The following EFCAB6 variants were observed in gnomAD, a reference collection of about 807,000 sequenced individuals.
EFCAB6 encodes the protein EF-hand calcium binding domain 6, also known as EF-hand calcium-binding domain-containing protein 6.
In EFCAB6, 156 loss-of-function variants were observed where a neutral mutation model predicts 169.8. The observed-to-expected ratio is 0.92, with a 90% CI of 0.81 to 1.05. EFCAB6 has a LOEUF of 1.05. Among genes scored for constraint, EFCAB6 ranks in the 50% least tolerant of loss-of-function variants. The pLI, the probability that EFCAB6 is intolerant of heterozygous loss-of-function variation, is 0.00. For synonymous variants in EFCAB6, 698 were observed against 676.4 expected (o/e 1.03, Z -0.50); for missense variants, 1,800 against 1,829.1 (o/e 0.98, Z 0.29).
intron 20 of EFCAB6, among the ~76,000 whole-genome samples, chr22:43,624,101 T>C (rs2054321025): frequency 6.6e-6 from 1 of 152,118 alleles, no homozygotes; most frequent in South Asian, 2.1e-4. Flanking sequence ...AACTGTTCTC[T>C]GAGCCCGCAC....
intron 2 of EFCAB6, among the ~76,000 whole-genome samples, chr22:43,805,060 T>G (rs1319313221): frequency 6.6e-6 from 1 of 152,208 alleles, no homozygotes; most frequent in Non-Finnish European, 1.5e-5. Context: ...TGGTGGCATT[T>G]ATACATACCA....
chr22:43,658,418 G>T (rs180906588), intron 17 of EFCAB6, among the ~76,000 whole-genome samples: 1 of 152,072 alleles, frequency 6.6e-6, no homozygotes, highest in Admixed American at 6.5e-5. Flanking sequence ...GGCCACTCCC[G>T]CACTGTGAGT....
At chr22:43,623,876 T>C (rs2147806986) in intron 20 of EFCAB6, among the ~76,000 whole-genome samples, 1 of 139,580 alleles carries the variant, frequency 7.2e-6, no homozygotes, top group East Asian at 2.1e-4. Flanking sequence ...GCCACTGTAC[T>C]CCAGTCTGGG....
chr22:43,675,191 A>G (rs1259047434), intron 13 of EFCAB6, among the ~76,000 whole-genome samples: 2 of 146,272 alleles, frequency 1.4e-5, no homozygotes, highest in Non-Finnish European at 3.0e-5. Context: ...TAATATAGCT[A>G]ATTTGTAATA....
chr22:43,558,239 A>T (rs2048822346), intron 26 of EFCAB6, among the ~76,000 whole-genome samples: 1 of 152,230 alleles, frequency 6.6e-6, no homozygotes, highest in South Asian at 2.1e-4. Flanking sequence ...CATTTAGGAA[A>T]GTGGCTGGAT....
intron 17 of EFCAB6, among the ~76,000 whole-genome samples, chr22:43,658,938 G>C (rs1329734661): frequency 6.6e-6 from 1 of 152,162 alleles, no homozygotes; most frequent in Non-Finnish European, 1.5e-5. Context: ...GGCTGCCACC[G>C]GTTTCTCTAG....
intron 26 of EFCAB6, among the ~76,000 whole-genome samples, chr22:43,561,761 G>T (rs2049052744): frequency 6.6e-6 from 1 of 152,168 alleles, no homozygotes; most frequent in African/African-American, 2.4e-5. Flanking sequence ...CTTCTCACGT[G>T]ATCATTATAT....
chr22:43,767,393 C>T (rs1401738294), intron 4 of EFCAB6, among the ~76,000 whole-genome samples: 2 of 152,168 alleles, frequency 1.3e-5, no homozygotes, highest in Non-Finnish European at 2.9e-5. Context: ...TTTGAGCAAG[C>T]ATTTCAGTTT....
At chr22:43,673,046 G>C (rs1051256356) in intron 13 of EFCAB6, among the ~76,000 whole-genome samples, 5 of 152,164 alleles carry the variant, frequency 3.3e-5, no homozygotes, top group African/African-American at 1.2e-4. Flanking sequence ...TACCTGCACA[G>C]GTGGGGGTTT....
intron 27 of EFCAB6, among the ~76,000 whole-genome samples, chr22:43,546,985 T>C (rs2048095197): frequency 6.6e-6 from 1 of 151,834 alleles, no homozygotes; most frequent in Non-Finnish European, 1.5e-5. Flanking sequence ...GAACTTAAGA[T>C]CATAACTAAA....
At position 43,559,516 on chromosome 22, in the gene EFCAB6, A is replaced by G. The variant is rs536126247; in HGVS notation, c.3421-4420T>C. ...ACCCAGCAATCCCATTACTGGGTAT[A>G]TACCCAAAGGATTATAAATGATTCT... is the stretch of plus-strand genomic sequence containing the variant. On this transcript the variant is annotated intron_variant, in intron 26 of 31. Transcript: ENST00000262726. Among the ~76,000 whole-genome samples the G allele has an allele frequency of 1.9e-3, 294 of 152,370 alleles. 2 individuals are homozygous for G. Among genetic ancestry groups the G allele is most frequent in the African/African-American group, 6.8e-3 (284 of 41,586 alleles).
chr22:43,772,771 A>G (rs1050067504), intron 4 of EFCAB6, 121 bp downstream of exon 4: 10 of 1,056,038 alleles, frequency 9.5e-6, no homozygotes, highest in South Asian at 8.3e-5. Flanking sequence ...ATTATGAAAA[A>G]CAAAACTTCA....
intron 7 of EFCAB6, among the ~76,000 whole-genome samples, chr22:43,732,438 T>C (rs181654294): frequency 9.9e-5 from 15 of 151,750 alleles, no homozygotes; most frequent in Non-Finnish European, 1.9e-4. Flanking sequence ...AGCGAACCAC[T>C]GTCTATTCCT....
chr22:43,786,244 T>C lies in EFCAB6; in HGVS notation c.-7-3919A>G, dbSNP rs747913341. The stretch of plus-strand genomic sequence containing the variant: ...CAGGCATGGTGGCGCATGCTTGTTA[T>C]CCCAGCTACCCGGGAGGCTGAGGCA... On this transcript the variant is annotated intron_variant, in intron 2 of 31. Coordinates refer to ENST00000262726, the MANE Select transcript of EFCAB6 (RefSeq NM_022785.4). 1.9e-4 allele frequency among the ~76,000 whole-genome samples: 29 copies of C among 152,266 alleles called. No homozygotes were observed. In the Middle Eastern group the frequency reaches 0.01, roughly 54 times the overall value.
At chr22:43,531,953 G>C (rs1434917027) in intron 30 of EFCAB6, 1 of 152,202 alleles carries the variant, frequency 6.6e-6, no homozygotes, top group Non-Finnish European at 1.5e-5. Flanking sequence ...CAAATCACCA[G>C]AAAATGAAGT....
At chr22:43,586,652 C>T (rs1288309895) in intron 24 of EFCAB6, among the ~76,000 whole-genome samples, 1 of 152,058 alleles carries the variant, frequency 6.6e-6, no homozygotes, top group Non-Finnish European at 1.5e-5. Context: ...CTTGAACACA[C>T]ATATCTAGTT....
At chr22:43,717,476 G>A (rs991723767) in intron 8 of EFCAB6, among the ~76,000 whole-genome samples, 2 of 151,396 alleles carry the variant, frequency 1.3e-5, no homozygotes, top group African/African-American at 4.9e-5. Flanking sequence ...TAATATATGA[G>A]TAGCTCTTAT....
chr22:43,557,150 C>T (rs2048755971), intron 26 of EFCAB6, among the ~76,000 whole-genome samples: 1 of 152,182 alleles, frequency 6.6e-6, no homozygotes, highest in Non-Finnish European at 1.5e-5. Flanking sequence ...AGTCTAGACT[C>T]TGCCCCTACC....
At chr22:43,756,560 C>G (rs937200143) in intron 5 of EFCAB6, among the ~76,000 whole-genome samples, 1 of 152,116 alleles carries the variant, frequency 6.6e-6, no homozygotes, top group African/African-American at 2.4e-5. Context: ...GCAGAGCTGG[C>G]GCCCCTCCAC....
Sources: gnomAD v4.1 joint callset for allele counts (sites outside exome capture counted in the v4.1 genomes callset) on GRCh38, gnomAD v4.1.1 for gene constraint, MANE v1.5 for transcripts, NCBI Gene and HGNC (gene_info 2026-07-23, HGNC 2026-07-21) for gene names.